DCDC1: variants seen among roughly 807,000 people sequenced by gnomAD.
DCDC1 encodes the protein doublecortin domain-containing protein 1.
A neutral mutation model predicts 178.3 loss-of-function variants in DCDC1; 200 were observed. The ratio of observed to expected loss-of-function variants is 1.12; its 90% CI spans 1.00 to 1.26. DCDC1 has a LOEUF of 1.26. Among genes scored for constraint, DCDC1 ranks in the 50% most tolerant of loss-of-function variants. DCDC1 has a pLI of 0.00. For synonymous variants in DCDC1, 690 were observed against 604.8 expected, an observed-to-expected ratio of 1.14 and a Z score of -2.07; for missense variants, 1,983 against 1,749.2, an observed-to-expected ratio of 1.13 and a Z score of -2.38.
chr11:30,864,406 A>C lies in DCDC1; in HGVS notation c.*967T>G, dbSNP rs1205531095. The C allele has an allele frequency of 6.6e-6, 1 of 152,242 alleles. No homozygotes were observed. The allele number at this position is 152,242 out of a possible 1,614,324, so 9.4% of individuals were successfully genotyped here. ...TTCTTTCATTTGCACAATTTCGAGAAGTGTTTCTTTCCTCTGAAAAGCAGA... is the reference window on the plus strand; with the variant it reads ...TTCTTTCATTTGCACAATTTCGAGACGTGTTTCTTTCCTCTGAAAAGCAGA... On this transcript the variant is annotated 3_prime_UTR_variant, in exon 39 of 39. Transcript: ENST00000684477.
intron 22 of DCDC1, among the ~76,000 whole-genome samples, chr11:30,928,791 T>C (rs575939524): frequency 2.0e-5 from 3 of 150,808 alleles, no homozygotes; most frequent in South Asian, 2.1e-4. Flanking sequence ...ATTTTCACTA[T>C]TTTATTTCTC....
At chr11:30,961,615 T>A (rs1230858912) in intron 20 of DCDC1, among the ~76,000 whole-genome samples, 1 of 152,078 alleles carries the variant, frequency 6.6e-6, no homozygotes, top group East Asian at 1.9e-4. Flanking sequence ...GTATTTATAA[T>A]GAATTTAAAA....
chr11:30,984,549 T>A (rs1018407429), intron 20 of DCDC1, among the ~76,000 whole-genome samples: 3 of 152,150 alleles, frequency 2.0e-5, no homozygotes, highest in South Asian at 2.1e-4. Flanking sequence ...GCACAGAAGG[T>A]CATCTGCTGT....
At chr11:31,298,983 A>T (rs2774403) in intron 6 of DCDC1, among the ~76,000 whole-genome samples, 99,243 of 152,140 alleles carry the variant, frequency 0.65, 32,777 homozygotes, top group African/African-American at 0.72. Context: ...GAATAAGCAC[A>T]TCATTTCATG....
chr11:31,336,697 A>T (rs896126157), intron 1 of DCDC1, among the ~76,000 whole-genome samples: 7 of 152,330 alleles, frequency 4.6e-5, no homozygotes, highest in Middle Eastern at 3.4e-3. Context: ...TCCTTCTACA[A>T]AACTAGAATC....
chr11:30,882,331 G>A (rs1232796537), intron 36 of DCDC1: 1 of 152,044 alleles, frequency 6.6e-6, no homozygotes, highest in Non-Finnish European at 1.5e-5. Flanking sequence ...AGGGATGAGT[G>A]GATTGAATTT....
At chr11:30,991,621 C>G (rs1214260183) in intron 20 of DCDC1, among the ~76,000 whole-genome samples, 2 of 152,076 alleles carry the variant, frequency 1.3e-5, no homozygotes, top group African/African-American at 4.8e-5. Flanking sequence ...ACCAGGTGTA[C>G]AAGCCTGCAC....
intron 3 of DCDC1, among the ~76,000 whole-genome samples, chr11:31,309,142 T>TGTGTGTGTGTGTGTGTGTGTGTGTGTG (rs1555173338): frequency 6.8e-6 from 1 of 147,956 alleles, no homozygotes; most frequent in Non-Finnish European, 1.5e-5. Context: ...AAATAGATGT[T>TGTGTGTGTGTGTGTGTGTGTGTGTGTG]TGTGTGTGTG....
chr11:31,256,247 A>T (rs898930682), intron 8 of DCDC1, among the ~76,000 whole-genome samples: 1 of 152,108 alleles, frequency 6.6e-6, no homozygotes, highest in Admixed American at 6.6e-5. Context: ...GTAAGTTTTG[A>T]AATTGGGAAG....
At chr11:31,137,567 C>G (rs969063478) in intron 10 of DCDC1, 125 bp downstream of exon 10, 1 of 531,384 alleles carries the variant, frequency 1.9e-6, no homozygotes, top group East Asian at 3.3e-5. Flanking sequence ...TCAGGCTGGT[C>G]TCAAACTCCT....
chr11:31,039,162 T>G (rs1461950870), intron 20 of DCDC1, among the ~76,000 whole-genome samples: 1 of 152,162 alleles, frequency 6.6e-6, no homozygotes, highest in Non-Finnish European at 1.5e-5. Context: ...CTATGACAGG[T>G]AATGTATGCT....
intron 10 of DCDC1, among the ~76,000 whole-genome samples, chr11:31,130,406 C>A (rs1235446549): frequency 6.6e-6 from 1 of 152,076 alleles, no homozygotes; most frequent in East Asian, 1.9e-4. Flanking sequence ...GCTTTAAGAA[C>A]CATTGTGCAG....
chr11:31,288,671 T>C (rs796445978), intron 7 of DCDC1, among the ~76,000 whole-genome samples: 36 of 152,022 alleles, frequency 2.4e-4, no homozygotes, highest in African/African-American at 8.2e-4. Flanking sequence ...TTAGTAGTAA[T>C]TGAGAAATAG....
chr11:31,218,322 A>C (rs2136641231), intron 9 of DCDC1, among the ~76,000 whole-genome samples: 1 of 152,294 alleles, frequency 6.6e-6, no homozygotes. Context: ...TCTTCTCAAA[A>C]GCTTTTCTCT....
At position 31,144,288 on chromosome 11, in the gene DCDC1, C is replaced by A. The variant is rs1407969508; in HGVS notation, c.1222-6504G>T. Among the ~76,000 whole-genome samples, 3 of 152,178 alleles carry A rather than the reference C, an allele frequency of 2.0e-5. No individual in the cohort carries two copies. The East Asian group carries it at 5.8e-4, about 29-fold the overall frequency. The stretch of plus-strand genomic sequence containing the variant: ...TAGCTGGGACTACAGGCGCGTGCCA[C>A]CACGCCTGGCTAATATTTTTTTTTT... On this transcript the variant is annotated intron_variant, in intron 9 of 38. Transcript: ENST00000684477.
chr11:31,039,118 A>G (rs1334299105), intron 20 of DCDC1, among the ~76,000 whole-genome samples: 1 of 152,134 alleles, frequency 6.6e-6, no homozygotes, highest in Non-Finnish European at 1.5e-5. Flanking sequence ...AATTATTTCC[A>G]AAATTATTAT....
chr11:31,358,368 G>C (rs1355182376), intron 1 of DCDC1, among the ~76,000 whole-genome samples: 5 of 152,054 alleles, frequency 3.3e-5, no homozygotes, highest in Non-Finnish European at 5.9e-5. Context: ...ATGGTGCTGG[G>C]AAAACTGGCT....
intron 9 of DCDC1, among the ~76,000 whole-genome samples, chr11:31,147,844 G>A (rs1272111837): frequency 6.6e-6 from 1 of 152,204 alleles, no homozygotes; most frequent in African/African-American, 2.4e-5. Flanking sequence ...AATCACTCCA[G>A]ACATCTCGAT....
At chr11:31,086,017 G>T (rs1037874336) in intron 17 of DCDC1, among the ~76,000 whole-genome samples, 1 of 152,104 alleles carries the variant, frequency 6.6e-6, no homozygotes, top group African/African-American at 2.4e-5. Context: ...ACAGGTGTGA[G>T]CCACTATGCC....
Sources: gnomAD v4.1 joint callset for allele counts (sites outside exome capture counted in the v4.1 genomes callset) on GRCh38, gnomAD v4.1.1 for gene constraint, MANE v1.5 for transcripts, NCBI Gene and HGNC (gene_info 2026-07-23, HGNC 2026-07-21) for gene names.